The following MORC1 variants were observed in gnomAD, a reference collection of about 807,000 sequenced individuals.
MORC1 encodes the protein MORC family CW-type zinc finger 1.
In MORC1, 59 loss-of-function variants were observed where a neutral mutation model predicts 134.9. That is an observed-to-expected ratio of 0.44 (90% CI 0.35 to 0.54). The LOEUF (loss-of-function observed/expected upper bound fraction) is 0.54, where lower values mean the gene tolerates loss of function less well. MORC1 is among the 20% of genes least tolerant of loss of function. MORC1 has a pLI of 0.00. For missense variants in MORC1, 947 were observed against 1,134.5 expected, an observed-to-expected ratio of 0.83 and a Z score of 2.37; for synonymous variants, 395 against 391.7, an observed-to-expected ratio of 1.01 and a Z score of -0.10.
intron 13 of MORC1, among the ~76,000 whole-genome samples, chr3:109,056,371 G>C (rs1469816797): frequency 2.0e-5 from 3 of 152,106 alleles, no homozygotes; most frequent in Non-Finnish European, 4.4e-5. Flanking sequence ...GAGACCACAG[G>C]TGCCCGCCAC....
At chr3:108,974,046 C>A (rs1315615517) in intron 24 of MORC1, among the ~76,000 whole-genome samples, 1 of 152,090 alleles carries the variant, frequency 6.6e-6, no homozygotes, top group Non-Finnish European at 1.5e-5. Context: ...CACCCCCACC[C>A]CCCCACCAGG....
chr3:108,996,150 C>T (rs1234425040), intron 21 of MORC1, among the ~76,000 whole-genome samples: 1 of 152,080 alleles, frequency 6.6e-6, no homozygotes, highest in Non-Finnish European at 1.5e-5. Flanking sequence ...ATACTTGCCT[C>T]TCAGGTTATG....
At position 108,986,952 on chromosome 3, in the gene MORC1, G is replaced by A. The variant is rs1457466319; in HGVS notation, c.2188-3C>T. On this transcript the variant is annotated splice_region_variant and splice_polypyrimidine_tract_variant and intron_variant, in intron 21 of 27. Transcript: ENST00000232603. ...TCAGTGTTGCTTTTATCTGAAACCT[G>A]AAAAACAAGCTCTTTATTTAAAACT... 2 of 1,554,728 alleles carry A rather than the reference G, an allele frequency of 1.3e-6. No individual in the cohort carries two copies. The highest frequency in any genetic ancestry group is 1.7e-6 in the Non-Finnish European group (2 of 1,155,576).
At chr3:109,054,099 T>C (rs1442988026) in intron 14 of MORC1, among the ~76,000 whole-genome samples, 1 of 151,660 alleles carries the variant, frequency 6.6e-6, no homozygotes, top group Non-Finnish European at 1.5e-5. Context: ...CTGGCCAAGA[T>C]GGTAAAACTC....
intron 10 of MORC1, 71 bp from the exon 11 acceptor site, chr3:109,062,129 T>G: frequency 7.4e-7 from 1 of 1,352,246 alleles, no homozygotes. Flanking sequence ...GTATTTTCTA[T>G]ACATGTAGCA....
intron 20 of MORC1, 72 bp from the exon 21 acceptor site, chr3:109,000,730 C>T (rs933665194): frequency 9.1e-7 from 1 of 1,092,974 alleles, no homozygotes; most frequent in African/African-American, 1.6e-5. Flanking sequence ...ACTACCTTCA[C>T]TCTTCATTCT....
At chr3:108,976,691 A>G (rs761772380) in intron 24 of MORC1, among the ~76,000 whole-genome samples, 1 of 152,200 alleles carries the variant, frequency 6.6e-6, no homozygotes, top group Non-Finnish European at 1.5e-5. Flanking sequence ...TAAAATAATC[A>G]CCATACAAAA....
chr3:109,113,670 GAA>G (rs113385120), intron 2 of MORC1, among the ~76,000 whole-genome samples: 2 of 137,964 alleles, frequency 1.4e-5, no homozygotes, highest in Admixed American at 7.2e-5. Context: ...CAATTTAACT[GAA>G]AAAAAAAAAA....
chr3:108,990,906 C>CT (rs1014746552), intron 21 of MORC1, among the ~76,000 whole-genome samples: 5 of 151,838 alleles, frequency 3.3e-5, no homozygotes, highest in Admixed American at 1.3e-4. Context: ...CTTTCTCTCT[C>CT]TCTCTCTCTC....
At chr3:108,960,608 T>C (rs1036631934) in intron 27 of MORC1, among the ~76,000 whole-genome samples, 9 of 152,204 alleles carry the variant, frequency 5.9e-5, no homozygotes, top group South Asian at 4.1e-4. Flanking sequence ...CAGCTTATTA[T>C]AATGGTGTTT....
intron 5 of MORC1, 97 bp from the exon 6 acceptor site, chr3:109,099,563 C>G: frequency 2.3e-6 from 2 of 865,730 alleles, no homozygotes; most frequent in Admixed American, 3.4e-5. Flanking sequence ...ACAGGATGTT[C>G]TTTCCAACAC....
chr3:108,996,276 G>GACACACACACACACA (rs1553745289), intron 21 of MORC1, among the ~76,000 whole-genome samples: 2 of 76,902 alleles, frequency 2.6e-5, no homozygotes, highest in African/African-American at 4.4e-5. Flanking sequence ...GCGCGTGCGT[G>GACACACACACACACA]CGCGCGCGCG....
chr3:109,019,698 T>C (rs1353990532), intron 17 of MORC1, among the ~76,000 whole-genome samples: 1 of 152,198 alleles, frequency 6.6e-6, no homozygotes, highest in Admixed American at 6.5e-5. Context: ...ATCATAACAA[T>C]CATAGCATTG....
At chr3:108,968,916 T>C (rs1947292243) in intron 26 of MORC1, among the ~76,000 whole-genome samples, 1 of 151,962 alleles carries the variant, frequency 6.6e-6, no homozygotes, top group Admixed American at 6.6e-5. Flanking sequence ...ATTCATCCCC[T>C]ACATCAGCTT....
intron 20 of MORC1, among the ~76,000 whole-genome samples, chr3:109,004,180 T>G (rs1948481674): frequency 6.6e-6 from 1 of 152,220 alleles, no homozygotes; most frequent in Admixed American, 6.5e-5. Flanking sequence ...CCCACTGTCT[T>G]ACACTGGGCA....
chr3:109,010,648 G>C (rs1003477245), intron 17 of MORC1, among the ~76,000 whole-genome samples: 6 of 152,000 alleles, frequency 3.9e-5, no homozygotes, highest in African/African-American at 1.2e-4. Context: ...AAGTTTCCTT[G>C]TCTCCCCACC....
chr3:109,102,794 G>T (rs1334380381), intron 4 of MORC1, among the ~76,000 whole-genome samples: 2 of 152,080 alleles, frequency 1.3e-5, no homozygotes, highest in African/African-American at 4.8e-5. Context: ...TAATATTCAG[G>T]CTAGAAGTGA....
chr3:109,006,076 C>A (rs900018705), intron 18 of MORC1, among the ~76,000 whole-genome samples: 1 of 152,212 alleles, frequency 6.6e-6, no homozygotes, highest in Admixed American at 6.5e-5. Flanking sequence ...ATGTTACAAT[C>A]TATTTCCCAT....
chr3:109,040,353 TGAAAGAAAGAAAGAAAGAAA>T (rs35886667), intron 14 of MORC1, among the ~76,000 whole-genome samples: 3 of 28,200 alleles, frequency 1.1e-4, no homozygotes, highest in African/African-American at 4.4e-4. Flanking sequence ...CTCAAAGAAC[TGAAAGAAAGAAAGAAAGAAA>T]GAAAGAAAGA....
Sources: gnomAD v4.1 joint callset for allele counts (sites outside exome capture counted in the v4.1 genomes callset) on GRCh38, gnomAD v4.1.1 for gene constraint, MANE v1.5 for transcripts, NCBI Gene and HGNC (gene_info 2026-07-23, HGNC 2026-07-21) for gene names.